USP43: variants seen among roughly 807,000 people sequenced by gnomAD.
The protein encoded by USP43 is ubiquitin carboxyl-terminal hydrolase 43.
Under a neutral mutation model 90.7 loss-of-function variants are expected in USP43, and 33 were observed. The ratio of observed to expected loss-of-function variants is 0.36; its 90% CI spans 0.28 to 0.49. The LOEUF (loss-of-function observed/expected upper bound fraction) is 0.49. USP43 is among the 20% of genes least tolerant of loss of function. USP43 has a pLI of 0.98. For synonymous variants in USP43, 598 were observed against 615.8 expected, an observed-to-expected ratio of 0.97 and a Z score of 0.43; for missense variants, 1,274 against 1,476.4, an observed-to-expected ratio of 0.86 and a Z score of 2.25.
intron 12 of USP43, among the ~76,000 whole-genome samples, chr17:9,708,644 T>C (rs1446749305): frequency 2.6e-5 from 4 of 152,156 alleles, no homozygotes; most frequent in African/African-American, 9.7e-5. Context: ...TTGTTGTTTT[T>C]TGAGACGGAG....
At position 9,729,430 on chromosome 17, in the gene USP43, C is replaced by A; in HGVS notation, c.*440C>A. 1 of 139,684 alleles carries A rather than the reference C, an allele frequency of 7.2e-6. No individual in the cohort carries two copies. 8.7% of individuals were successfully genotyped at this position (139,684 alleles called of 1,614,324 possible). A position where few individuals can be genotyped will look rare whatever the true frequency, so the allele number is the denominator to read the frequency against. On this transcript the variant is annotated 3_prime_UTR_variant, in exon 15 of 15. Coordinates refer to ENST00000285199, the MANE Select transcript of USP43 (RefSeq NM_153210.5). ...AAAGAAAAATATTTTATTTTTAATG[C>A]TTTTCTGGGATAAGCATTAAAGATG...
intron 1 of USP43, 34 bp downstream of exon 1, chr17:9,646,170 C>T (rs988283391): frequency 3.6e-6 from 5 of 1,394,100 alleles, no homozygotes; most frequent in South Asian, 1.6e-5. Context: ...CGCCCTGTCC[C>T]CCTGGTTTCG....
At chr17:9,688,618 G>C (rs1404194582) in intron 8 of USP43, among the ~76,000 whole-genome samples, 1 of 152,010 alleles carries the variant, frequency 6.6e-6, no homozygotes, top group African/African-American at 2.4e-5. Flanking sequence ...CAAAGTGCTG[G>C]GATTACAGGC....
At position 9,686,577 on chromosome 17, in the gene USP43, T is replaced by C. The variant is rs1200381517; in HGVS notation, c.1242-221T>C. The stretch of plus-strand genomic sequence containing the variant: ...ATTAGTGATGTTGGGCATTTTTTCA[T>C]ATGCCTGTTGGCTACGTGTGTCATT... On this transcript the variant is annotated intron_variant, in intron 7 of 14. Transcript: ENST00000285199. This position sits in a 1 kb window ranked among gnomAD's most constrained non-coding sequence, Gnocchi z 5.5. Among the ~76,000 whole-genome samples the C allele has an allele frequency of 2.0e-5, 3 of 152,238 alleles. No homozygotes were observed. Among genetic ancestry groups the C allele is most frequent in the African/African-American group, 7.2e-5 (3 of 41,464 alleles).
chr17:9,653,542 C>T (rs570115584), intron 1 of USP43, among the ~76,000 whole-genome samples: 2 of 151,136 alleles, frequency 1.3e-5, no homozygotes, highest in African/African-American at 4.9e-5. Flanking sequence ...GAGCCAAGGT[C>T]GTGCCATTGC....
At chr17:9,695,568 C>G (rs148532206) in intron 9 of USP43, among the ~76,000 whole-genome samples, 15 of 152,090 alleles carry the variant, frequency 9.9e-5, no homozygotes, top group Admixed American at 9.8e-4. Flanking sequence ...CTCCTGAGCT[C>G]GTGATCCACC....
intron 2 of USP43, among the ~76,000 whole-genome samples, chr17:9,657,207 C>T (rs983655045): frequency 2.0e-5 from 3 of 152,162 alleles, no homozygotes; most frequent in Admixed American, 2.0e-4. Context: ...TCTCACACTG[C>T]TATAAAGAAA....
intron 14 of USP43, among the ~76,000 whole-genome samples, chr17:9,719,000 T>G (rs1916773673): frequency 6.6e-6 from 1 of 152,134 alleles, no homozygotes; most frequent in Non-Finnish European, 1.5e-5. Flanking sequence ...CCGTGGCTCA[T>G]GCCTGTAATC....
intron 5 of USP43, among the ~76,000 whole-genome samples, chr17:9,677,935 C>G (rs1266901323): frequency 6.6e-6 from 1 of 152,182 alleles, no homozygotes; most frequent in Non-Finnish European, 1.5e-5. Flanking sequence ...CAATCAATCC[C>G]TCTGACCTCT....
rs1162604616 is a variant in USP43, at chr17:9,728,869, C to T, written c.3251C>T (p.Ala1084Val). ...RKASRAPRGS[A>V]LGMSQRTVPG... ...GCCAGCAGGGCCCCGAGAGGCAGTG[C>T]ACTGGGCATGTCACAAAGGACTGTT... Residue 1084 changes from alanine (A) to valine (V), a missense_variant, in exon 15 of 15, where the codon GCA (alanine) becomes GTA (valine). By Grantham distance (64) the Ala-to-Val change is moderately conservative. Transcript: ENST00000285199. This position sits in a 1 kb window ranked among gnomAD's most constrained non-coding sequence, Gnocchi z 6.2. 1 of 1,614,002 alleles carries T rather than the reference C, an allele frequency of 6.2e-7. No homozygotes were observed. Among genetic ancestry groups the T allele is most frequent in the Non-Finnish European group, 8.5e-7 (1 of 1,179,876 alleles).
chr17:9,661,782 C>T (rs1912660849), intron 2 of USP43, among the ~76,000 whole-genome samples: 1 of 140,406 alleles, frequency 7.1e-6, no homozygotes, highest in Admixed American at 6.8e-5. Context: ...TGCTGCCCCT[C>T]ACTCCAGCCT....
rs939647307 is a variant in USP43, at chr17:9,729,520, T to C, written c.*530T>C. 1 of 150,856 alleles carries C rather than the reference T, an allele frequency of 6.6e-6. No individual in the cohort carries two copies. The highest frequency in any genetic ancestry group is 2.4e-5 in the African/African-American group (1 of 41,120). The allele number at this position is 150,856 out of a possible 1,614,324, so 9.3% of individuals were successfully genotyped here. On this transcript the variant is annotated 3_prime_UTR_variant, in exon 15 of 15. Transcript: ENST00000285199. Reference sequence around the variant, plus strand: ...AAGGCAAGATTCTAGCAAAGAGAGATGGGAGATAAATGGCTGAGAGTTCAG... The same window carrying C: ...AAGGCAAGATTCTAGCAAAGAGAGACGGGAGATAAATGGCTGAGAGTTCAG...
At position 9,714,682 on chromosome 17, in the gene USP43, C is replaced by CAAAAAAAA. The variant is rs34258688; in HGVS notation, c.2335+2562_2335+2569dup. Among the ~76,000 whole-genome samples, 47 of 69,976 alleles carry CAAAAAAAA rather than the reference C, an allele frequency of 6.7e-4. 1 individual carries two copies. The highest frequency in any genetic ancestry group is 1.0e-3 in the African/African-American group (19 of 18,114). 45.9% of individuals were successfully genotyped at this position (69,976 alleles called of 152,430 possible). A position where few individuals can be genotyped will look rare whatever the true frequency, so the allele number is the denominator to read the frequency against. ...TGGGCAACAGAGCAAGACTCCATCT[C>CAAAAAAAA]AAAAAAAAAAAAAAAAAAATGAAGA... On this transcript the variant is annotated intron_variant, in intron 14 of 14. Coordinates refer to ENST00000285199, the MANE Select transcript of USP43 (RefSeq NM_153210.5).
rs201010220 is a variant in USP43, at chr17:9,712,095, T to G, written c.2298T>G (p.Ser766=). 241 of 1,607,126 alleles carry G rather than the reference T, an allele frequency of 1.5e-4. 2 individuals are homozygous for G. The highest frequency in any genetic ancestry group is 1.2e-3 in the South Asian group (108 of 90,308). ...CCTCCCTGCCCCAGGTTCCTGACTC[T>G]CCCATCTTCACCAACAGCCTCTGCA... ...PCPSLPQVPD[S]PIFTNSLCNQ... Residue 766 remains serine, a synonymous_variant, in exon 14 of 15, where the codon TCT becomes TCG. Transcript: ENST00000285199.
At chr17:9,687,872 G>C (rs1914682648) in intron 8 of USP43, among the ~76,000 whole-genome samples, 1 of 152,202 alleles carries the variant, frequency 6.6e-6, no homozygotes, top group Non-Finnish European at 1.5e-5. Context: ...ATCCACCAAA[G>C]TGCCCAAATT....
At chr17:9,702,303 T>C (rs1915621178) in intron 12 of USP43, among the ~76,000 whole-genome samples, 1 of 152,086 alleles carries the variant, frequency 6.6e-6, no homozygotes, top group South Asian at 2.1e-4. Context: ...TGAACCATGA[T>C]TGCACCACTG....
Position 9,645,611 on chromosome 17 carries a change from T to A in USP43, c.-22T>A. ...GCCTCGCGCCCGGGGGCTCCGCGCC[T>A]GGAGCTGCGCCGGCGGCAGCCATGG... On this transcript the variant is annotated 5_prime_UTR_variant, in exon 1 of 15. Transcript: ENST00000285199. This position sits in a 1 kb window ranked among gnomAD's most constrained non-coding sequence, Gnocchi z 6.8. 8.4e-7 allele frequency: 1 copy of A among 1,189,426 alleles called. No homozygotes were observed. Among genetic ancestry groups the A allele is most frequent in the Non-Finnish European group, 1.0e-6 (1 of 961,212 alleles). 73.7% of individuals were successfully genotyped at this position (1,189,426 alleles called of 1,614,324 possible). A position where few individuals can be genotyped will look rare whatever the true frequency, so the allele number is the denominator to read the frequency against.
chr17:9,715,054 G>A (rs1277635776), intron 14 of USP43, among the ~76,000 whole-genome samples: 6 of 152,202 alleles, frequency 3.9e-5, no homozygotes, highest in Admixed American at 3.9e-4. Flanking sequence ...CGAGGTGACT[G>A]AAGGAAGGCG....
chr17:9,656,304 G>A, intron 1 of USP43, 99 bp from the exon 2 acceptor site: 2 of 1,457,470 alleles, frequency 1.4e-6, no homozygotes, highest in Non-Finnish European at 1.8e-6. Flanking sequence ...CCAGGTCAGG[G>A]CTGAATAATG....
Sources: gnomAD v4.1 joint callset for allele counts (sites outside exome capture counted in the v4.1 genomes callset) on GRCh38, gnomAD v4.1.1 for gene constraint, Gnocchi (gnomAD v3.1) non-coding constraint, MANE v1.5 for transcripts, NCBI Gene and HGNC (gene_info 2026-07-23, HGNC 2026-07-21) for gene names.